Variants in SGCZ observed in about 807,000 individuals in gnomAD.
SGCZ encodes the protein zeta-sarcoglycan.
In SGCZ, 40 loss-of-function variants were observed where a neutral mutation model predicts 41.3. The ratio of observed to expected loss-of-function variants is 0.97; its 90% CI spans 0.75 to 1.26. The LOEUF is 1.26. Among genes scored for constraint, SGCZ ranks in the 50% most tolerant of loss-of-function variants. The pLI, the probability that SGCZ is intolerant of heterozygous loss-of-function variation, is 0.00. For missense variants in SGCZ, 552 were observed against 369.8 expected (o/e 1.49, Z -4.04); for synonymous variants, 206 against 137.5 (o/e 1.50, Z -3.49).
intron 3 of SGCZ, among the ~76,000 whole-genome samples, chr8:14,289,128 C>T (rs9643915): frequency 0.72 from 109,092 of 151,908 alleles, 40,309 homozygotes; most frequent in Non-Finnish European, 0.8. Context: ...CAGTTGTCTT[C>T]ATGTTTTTAA....
chr8:14,949,796 A>C (rs2130833682), intron 1 of SGCZ, among the ~76,000 whole-genome samples: 1 of 152,248 alleles, frequency 6.6e-6, no homozygotes, highest in East Asian at 1.9e-4. Flanking sequence ...AATAAAACCA[A>C]GGCAGATGAG....
intron 2 of SGCZ, among the ~76,000 whole-genome samples, chr8:14,407,908 G>A (rs1799254932): frequency 6.6e-6 from 1 of 152,144 alleles, no homozygotes; most frequent in Non-Finnish European, 1.5e-5. Flanking sequence ...GGAACCTCTT[G>A]AGTCTCACGT....
chr8:14,206,399 T>A (rs898178630), intron 4 of SGCZ, among the ~76,000 whole-genome samples: 1 of 152,130 alleles, frequency 6.6e-6, no homozygotes, highest in Non-Finnish European at 1.5e-5. Context: ...TAAATCATAA[T>A]AAATAAGCAC....
intron 4 of SGCZ, among the ~76,000 whole-genome samples, chr8:14,185,950 C>G (rs1563173286): frequency 6.6e-6 from 1 of 152,212 alleles, no homozygotes; most frequent in Non-Finnish European, 1.5e-5. Flanking sequence ...ACCTTGGAAT[C>G]TGCGTTTCTA....
chr8:14,409,900 G>A (rs959979038), intron 2 of SGCZ, among the ~76,000 whole-genome samples: 1 of 152,032 alleles, frequency 6.6e-6, no homozygotes, highest in Non-Finnish European at 1.5e-5. Context: ...CACAATATAT[G>A]GGAGGTAAAA....
At chr8:14,254,203 A>G (rs1430074797) in intron 3 of SGCZ, among the ~76,000 whole-genome samples, 1 of 152,182 alleles carries the variant, frequency 6.6e-6, no homozygotes, top group Admixed American at 6.5e-5. Flanking sequence ...TTTTGAGTTT[A>G]CCGGCAGTTA....
At chr8:14,336,045 A>T (rs1160363509) in intron 2 of SGCZ, among the ~76,000 whole-genome samples, 1 of 151,962 alleles carries the variant, frequency 6.6e-6, no homozygotes, top group Non-Finnish European at 1.5e-5. Context: ...GTAGTTATTT[A>T]TTCTGATCTG....
intron 1 of SGCZ, among the ~76,000 whole-genome samples, chr8:15,005,486 C>G (rs567628754): frequency 3.9e-5 from 6 of 152,020 alleles, no homozygotes; most frequent in Non-Finnish European, 8.8e-5. Context: ...CATGCGCCAC[C>G]ACTCCCAGCT....
intron 1 of SGCZ, among the ~76,000 whole-genome samples, chr8:14,775,870 C>A (rs958841532): frequency 6.6e-6 from 1 of 152,056 alleles, no homozygotes; most frequent in South Asian, 2.1e-4. Flanking sequence ...ACACAGAAGA[C>A]AAGAGAAGTA....
At chr8:14,755,549 T>A (rs1450792253) in intron 1 of SGCZ, among the ~76,000 whole-genome samples, 1 of 152,208 alleles carries the variant, frequency 6.6e-6, no homozygotes, top group Non-Finnish European at 1.5e-5. Flanking sequence ...CAACAACTTT[T>A]AAACCCTCAA....
chr8:14,905,289 GA>G (rs1413382434), intron 1 of SGCZ, among the ~76,000 whole-genome samples: 2 of 151,734 alleles, frequency 1.3e-5, no homozygotes, highest in Admixed American at 6.6e-5. Context: ...ATGAACAAAG[GA>G]AAAACCGATT....
At chr8:14,413,001 A>G (rs1276623665) in intron 2 of SGCZ, among the ~76,000 whole-genome samples, 3 of 152,036 alleles carry the variant, frequency 2.0e-5, no homozygotes. Flanking sequence ...CTTTTGTTAT[A>G]AAGGACAACA....
chr8:15,097,725 T>TAA lies in SGCZ; in HGVS notation c.39+139858_39+139859dup, dbSNP rs764026112. Among the ~76,000 whole-genome samples, 137 of 114,954 alleles carry TAA rather than the reference T, an allele frequency of 1.2e-3. 2 individuals carry two copies. The highest frequency in any genetic ancestry group is 4.3e-3 in the African/African-American group (122 of 28,384). The allele number at this position is 114,954 out of a possible 152,430, so 75.4% of individuals were successfully genotyped here. ...GTCTACGCGACAGAGTGAGAGCTTA[T>TAA]AAAAAAAAAAATATATATATATATA... On this transcript the variant is annotated intron_variant, in intron 1 of 7. Transcript: ENST00000382080.
At chr8:15,164,270 G>C (rs1013643954) in intron 1 of SGCZ, among the ~76,000 whole-genome samples, 6 of 152,094 alleles carry the variant, frequency 3.9e-5, no homozygotes, top group African/African-American at 1.4e-4. Flanking sequence ...TTGCTTCTAC[G>C]CCTTTTCAAC....
intron 1 of SGCZ, among the ~76,000 whole-genome samples, chr8:14,667,903 A>G (rs552288843): frequency 2.0e-5 from 3 of 152,298 alleles, no homozygotes; most frequent in South Asian, 4.1e-4. Flanking sequence ...AGATACCTAG[A>G]GTTTACAAAT....
intron 1 of SGCZ, among the ~76,000 whole-genome samples, chr8:14,887,658 G>C (rs1343555992): frequency 6.6e-6 from 1 of 152,108 alleles, no homozygotes; most frequent in Non-Finnish European, 1.5e-5. Context: ...ATGCAGGTTA[G>C]AGGAAAATGT....
chr8:15,158,859 C>T lies in SGCZ; in HGVS notation c.39+78726G>A, dbSNP rs531024080. On this transcript the variant is annotated intron_variant, in intron 1 of 7. Transcript: ENST00000382080. Reference sequence around the variant, plus strand: ...CTAGAAATATTATGTGAAGTCTAAACTCAAGGAGGGTTATAATCACTCTGT... The same window carrying T: ...CTAGAAATATTATGTGAAGTCTAAATTCAAGGAGGGTTATAATCACTCTGT... Among the ~76,000 whole-genome samples, 91 of 152,276 alleles carry T rather than the reference C, an allele frequency of 6.0e-4. 1 individual carries two copies. The South Asian group carries it at 0.018, about 30-fold the overall frequency.
intron 3 of SGCZ, among the ~76,000 whole-genome samples, chr8:14,283,084 C>T (rs911115726): frequency 6.6e-6 from 1 of 151,804 alleles, no homozygotes; most frequent in African/African-American, 2.4e-5. Context: ...CTCCTGACCT[C>T]GTGATCCGCC....
chr8:14,617,100 A>G lies in SGCZ; in HGVS notation c.40-62174T>C, dbSNP rs199579331. 8.5e-5 allele frequency among the ~76,000 whole-genome samples: 13 copies of G among 152,304 alleles called. No individual in the cohort carries two copies. The East Asian group carries it at 2.1e-3, about 25-fold the overall frequency. On this transcript the variant is annotated intron_variant, in intron 1 of 7. Coordinates refer to ENST00000382080, the MANE Select transcript of SGCZ (RefSeq NM_139167.4). ...TATGAAATATAGGATAATTGTTATT[A>G]CTACTAAATTTTGAGAGAAAGAAAG...
Sources: gnomAD v4.1 joint callset for allele counts (sites outside exome capture counted in the v4.1 genomes callset) on GRCh38, gnomAD v4.1.1 for gene constraint, MANE v1.5 for transcripts, NCBI Gene and HGNC (gene_info 2026-07-23, HGNC 2026-07-21) for gene names.